The following CSMD1 variants were observed in gnomAD, a reference collection of about 807,000 sequenced individuals.
The protein encoded by CSMD1 is CUB and sushi domain-containing protein 1.
In CSMD1, 213 loss-of-function variants were observed where a neutral mutation model predicts 417.5. The ratio of observed to expected loss-of-function variants is 0.51; its 90% CI spans 0.46 to 0.57. The LOEUF is 0.57. Ranked by LOEUF, CSMD1 falls within the 20% of genes least tolerant of loss-of-function variation. The pLI is 0.00. For missense variants in CSMD1, 6,923 were observed against 4,529.7 expected, an observed-to-expected ratio of 1.53 and a Z score of -15.17; for synonymous variants, 2,862 against 1,736.8, an observed-to-expected ratio of 1.65 and a Z score of -16.11.
chr8:4,540,840 A>G (rs549901858), intron 2 of CSMD1, among the ~76,000 whole-genome samples: 69 of 152,202 alleles, frequency 4.5e-4, no homozygotes, highest in Middle Eastern at 3.4e-3. Flanking sequence ...AAAAAAAGGT[A>G]AAGGCTCACC....
At chr8:4,464,969 C>G (rs1377453626) in intron 2 of CSMD1, among the ~76,000 whole-genome samples, 1 of 152,092 alleles carries the variant, frequency 6.6e-6, no homozygotes, top group African/African-American at 2.4e-5. Flanking sequence ...ACTCATGATG[C>G]CACCAGAATG....
At chr8:4,584,477 C>T (rs913723498) in intron 2 of CSMD1, among the ~76,000 whole-genome samples, 3 of 152,124 alleles carry the variant, frequency 2.0e-5, no homozygotes, top group South Asian at 2.1e-4. Context: ...ACTAAAGAAA[C>T]GGGTGTCAGG....
intron 3 of CSMD1, among the ~76,000 whole-genome samples, chr8:4,064,467 T>A (rs1799140089): frequency 6.6e-6 from 1 of 152,228 alleles, no homozygotes; most frequent in African/African-American, 2.4e-5. Flanking sequence ...ATATCAAAAC[T>A]GTAGCTGTCT....
At chr8:4,042,069 A>G (rs774922851) in intron 3 of CSMD1, among the ~76,000 whole-genome samples, 2 of 152,192 alleles carry the variant, frequency 1.3e-5, no homozygotes, top group African/African-American at 2.4e-5. Context: ...ATGTAATTAA[A>G]CTCACTGAAG....
intron 10 of CSMD1, among the ~76,000 whole-genome samples, chr8:3,502,503 T>C (rs1198961045): frequency 6.6e-6 from 1 of 152,116 alleles, no homozygotes; most frequent in Non-Finnish European, 1.5e-5. Context: ...CTGTGGTATA[T>C]CCAGACAGTG....
chr8:3,672,665 C>T (rs901394611), intron 7 of CSMD1, among the ~76,000 whole-genome samples: 68 of 152,170 alleles, frequency 4.5e-4, no homozygotes, highest in African/African-American at 1.6e-3. Context: ...TGCAGTGTCA[C>T]TGGGCATCTG....
Position 4,580,991 on chromosome 8 carries a change from G to C in CSMD1, c.302+56351C>G, listed in dbSNP as rs117777643. Reference sequence around the variant, plus strand: ...ATTGTCCACCTCAGTCCTTATTCCAGTGCCTCACATGTAACAGACATGTGG... The same window carrying C: ...ATTGTCCACCTCAGTCCTTATTCCACTGCCTCACATGTAACAGACATGTGG... On this transcript the variant is annotated intron_variant, in intron 2 of 69. Coordinates refer to ENST00000635120, the MANE Select transcript of CSMD1 (RefSeq NM_033225.6). 5.2e-3 allele frequency among the ~76,000 whole-genome samples: 795 copies of C among 152,226 alleles called. 38 individuals are homozygous for C. The East Asian group carries it at 0.12, about 24-fold the overall frequency.
intron 10 of CSMD1, among the ~76,000 whole-genome samples, chr8:3,568,934 T>C (rs1799831815): frequency 1.3e-5 from 2 of 152,190 alleles, no homozygotes; most frequent in Admixed American, 6.5e-5. Flanking sequence ...GAGAATTTTA[T>C]CTTAATTACT....
intron 5 of CSMD1, among the ~76,000 whole-genome samples, chr8:3,953,878 C>T (rs114261680): frequency 2.6e-3 from 394 of 152,318 alleles, no homozygotes; most frequent in African/African-American, 9.0e-3. Context: ...GTGTGAGGTG[C>T]TGTGCAGGCC....
chr8:3,975,195 G>C, intron 5 of CSMD1, among the ~76,000 whole-genome samples: 1 of 152,196 alleles, frequency 6.6e-6, no homozygotes, highest in East Asian at 1.9e-4. Context: ...ATCCTGTTAC[G>C]ATGTTATTGT....
At chr8:4,985,537 C>G (rs1201810935) in intron 1 of CSMD1, among the ~76,000 whole-genome samples, 1 of 152,094 alleles carries the variant, frequency 6.6e-6, no homozygotes, top group Non-Finnish European at 1.5e-5. Flanking sequence ...CTCTTCCTAT[C>G]CCCAGTCATC....
intron 12 of CSMD1, among the ~76,000 whole-genome samples, chr8:3,411,949 TATATACACGTATATATGC>T (rs1417145100): frequency 0.018 from 1,489 of 81,632 alleles, 349 homozygotes; most frequent in Middle Eastern, 0.052. Context: ...TATGCACGTA[TATATACACGTATATATGC>T]ACGTATATAT....
intron 61 of CSMD1, among the ~76,000 whole-genome samples, 172 bp from the exon 62 acceptor site, chr8:2,961,386 A>C (rs1807796577): frequency 6.6e-6 from 1 of 152,196 alleles, no homozygotes; most frequent in Admixed American, 6.5e-5. Flanking sequence ...CTTCTCTTCA[A>C]GACATGTTTT....
At chr8:4,842,713 A>G (rs1800914697) in intron 1 of CSMD1, among the ~76,000 whole-genome samples, 1 of 152,252 alleles carries the variant, frequency 6.6e-6, no homozygotes, top group Non-Finnish European at 1.5e-5. Context: ...GCTAGATGCT[A>G]CTAGAACAAA....
intron 36 of CSMD1, 84 bp from the exon 37 acceptor site, chr8:3,181,298 G>C (rs934773725): frequency 5.4e-6 from 5 of 919,190 alleles, no homozygotes; most frequent in African/African-American, 1.7e-5. Flanking sequence ...ATACTTATTA[G>C]GCTTACAAAT....
At chr8:4,681,168 G>A (rs1298792879) in intron 1 of CSMD1, among the ~76,000 whole-genome samples, 1 of 152,128 alleles carries the variant, frequency 6.6e-6, no homozygotes, top group Non-Finnish European at 1.5e-5. Context: ...AATACTTCTT[G>A]AGAAGGTAAT....
At chr8:3,866,936 G>C (rs982161839) in intron 5 of CSMD1, among the ~76,000 whole-genome samples, 13 of 152,152 alleles carry the variant, frequency 8.5e-5, no homozygotes, top group South Asian at 4.1e-4. Context: ...TGCATGTATG[G>C]ATTTGTAAGT....
intron 3 of CSMD1, among the ~76,000 whole-genome samples, chr8:4,109,256 G>C (rs368650861): frequency 3.3e-5 from 5 of 151,930 alleles, no homozygotes; most frequent in Admixed American, 2.0e-4. Context: ...GAATGTTTTT[G>C]ACCCTTGGTT....
At chr8:4,051,736 G>C (rs1009269964) in intron 3 of CSMD1, among the ~76,000 whole-genome samples, 3 of 152,148 alleles carry the variant, frequency 2.0e-5, no homozygotes, top group Non-Finnish European at 4.4e-5. Context: ...ATTAAAGAAA[G>C]GCAAAGAAAC....
Sources: gnomAD v4.1 joint callset for allele counts (sites outside exome capture counted in the v4.1 genomes callset) on GRCh38, gnomAD v4.1.1 for gene constraint, MANE v1.5 for transcripts, NCBI Gene and HGNC (gene_info 2026-07-23, HGNC 2026-07-21) for gene names.